ZNF385D: variants seen among roughly 807,000 people sequenced by gnomAD.
ZNF385D encodes the protein zinc finger protein 659.
A neutral mutation model predicts 35.8 loss-of-function variants in ZNF385D; 15 were observed. The ratio of observed to expected loss-of-function variants is 0.42; its 90% CI spans 0.28 to 0.64. The LOEUF (loss-of-function observed/expected upper bound fraction) is 0.64, where lower values mean the gene tolerates loss of function less well. Ranked by LOEUF, ZNF385D falls within the 30% of genes least tolerant of loss-of-function variation. The pLI is 0.23. For missense variants in ZNF385D, 474 were observed against 494.6 expected (o/e 0.96, Z 0.39); for synonymous variants, 212 against 186.8 (o/e 1.13, Z -1.10).
intron 3 of ZNF385D, among the ~76,000 whole-genome samples, chr3:21,833,420 G>C (rs922954734): frequency 2.6e-5 from 4 of 152,154 alleles, no homozygotes; most frequent in Middle Eastern, 3.2e-3. Context: ...TTGTAAGAGA[G>C]GTGGGAAGGC....
At chr3:21,976,767 C>A (rs571757904) in intron 3 of ZNF385D, among the ~76,000 whole-genome samples, 6 of 152,130 alleles carry the variant, frequency 3.9e-5, no homozygotes, top group Non-Finnish European at 5.9e-5. Context: ...CCAAGGCATG[C>A]AGATCATGAG....
intron 2 of ZNF385D, among the ~76,000 whole-genome samples, chr3:22,236,310 G>T (rs746016128): frequency 6.6e-6 from 1 of 151,830 alleles, no homozygotes. Context: ...ATTATCACTG[G>T]AAAGTTGACT....
chr3:21,593,335 C>T (rs188048285), intron 2 of ZNF385D, among the ~76,000 whole-genome samples: 2 of 152,290 alleles, frequency 1.3e-5, no homozygotes, highest in East Asian at 3.9e-4. Flanking sequence ...TCCATTGCCT[C>T]ACTTCCTAGA....
intron 1 of ZNF385D, among the ~76,000 whole-genome samples, chr3:21,732,665 G>A (rs2069074266): frequency 6.6e-6 from 1 of 152,128 alleles, no homozygotes; most frequent in African/African-American, 2.4e-5. Context: ...CTTTTCATAT[G>A]CCTATTTTCT....
chr3:21,827,388 T>C (rs1694708636), intron 3 of ZNF385D, among the ~76,000 whole-genome samples: 1 of 152,152 alleles, frequency 6.6e-6, no homozygotes. Flanking sequence ...GTTAAATAGA[T>C]TATTTTAAGC....
rs539916810 is a variant in ZNF385D at position 21,601,206 on chromosome 3, A to C, written c.166-36522T>G. Among the ~76,000 whole-genome samples, 7 of 152,206 alleles carry C rather than the reference A, an allele frequency of 4.6e-5. 1 individual carries two copies. In the South Asian group the frequency reaches 1.2e-3, roughly 27 times the overall value. Reference sequence around the variant, plus strand: ...ATATACTCCACTTGATGGGGCACCAAATTATTTAGAAAGTCATACCTGTGA... The same window carrying C: ...ATATACTCCACTTGATGGGGCACCACATTATTTAGAAAGTCATACCTGTGA... On this transcript the variant is annotated intron_variant, in intron 2 of 7. Coordinates refer to ENST00000281523, the MANE Select transcript of ZNF385D (RefSeq NM_024697.3).
At chr3:21,834,394 T>C (rs963120163) in intron 3 of ZNF385D, among the ~76,000 whole-genome samples, 3 of 152,132 alleles carry the variant, frequency 2.0e-5, no homozygotes, top group African/African-American at 4.8e-5. Flanking sequence ...TCTTAGAAAG[T>C]TCTGTTTTGC....
chr3:21,764,434 T>C (rs1341745424), intron 3 of ZNF385D, among the ~76,000 whole-genome samples: 1 of 152,166 alleles, frequency 6.6e-6, no homozygotes, highest in Non-Finnish European at 1.5e-5. Context: ...AATAAAGCTC[T>C]CGTATAACCA....
At chr3:22,347,814 A>C (rs1695726614) in intron 2 of ZNF385D, among the ~76,000 whole-genome samples, 1 of 152,170 alleles carries the variant, frequency 6.6e-6, no homozygotes, top group African/African-American at 2.4e-5. Context: ...CTCCAAAAAA[A>C]ACCTTCAATT....
At chr3:22,228,297 G>A (rs751936124) in intron 2 of ZNF385D, among the ~76,000 whole-genome samples, 12 of 152,130 alleles carry the variant, frequency 7.9e-5, no homozygotes, top group Non-Finnish European at 1.6e-4. Context: ...ATATGGCAGT[G>A]GCCATAGCAC....
At chr3:22,209,195 G>T (rs772151469) in intron 2 of ZNF385D, among the ~76,000 whole-genome samples, 2 of 151,946 alleles carry the variant, frequency 1.3e-5, no homozygotes, top group South Asian at 4.2e-4. Context: ...GTTACAAAAA[G>T]AGAGCAGATA....
At chr3:22,092,270 G>C (rs1279640491) in intron 3 of ZNF385D, among the ~76,000 whole-genome samples, 4 of 152,110 alleles carry the variant, frequency 2.6e-5, no homozygotes. Context: ...CTACTAAGGG[G>C]GAAATTGAAG....
At chr3:22,172,018 A>T (rs1054412715) in intron 2 of ZNF385D, among the ~76,000 whole-genome samples, 5 of 152,220 alleles carry the variant, frequency 3.3e-5, no homozygotes, top group African/African-American at 1.2e-4. Flanking sequence ...TTAAATTTTT[A>T]AATGGAAATT....
intron 3 of ZNF385D, among the ~76,000 whole-genome samples, chr3:22,021,002 C>T (rs1697192354): frequency 6.6e-6 from 1 of 151,810 alleles, no homozygotes; most frequent in South Asian, 2.1e-4. Flanking sequence ...AGGCCATTAT[C>T]TTAGGTGAAA....
intron 2 of ZNF385D, among the ~76,000 whole-genome samples, chr3:22,305,691 C>T (rs539591094): frequency 6.6e-6 from 1 of 152,272 alleles, no homozygotes; most frequent in South Asian, 2.1e-4. Context: ...CTAAGCAAGT[C>T]ACACGGCCAC....
chr3:22,134,409 A>T (rs1559395894), intron 3 of ZNF385D: 1 of 152,272 alleles, frequency 6.6e-6, no homozygotes, highest in East Asian at 1.9e-4. Context: ...AAAAAAAATT[A>T]TTAGGGACTT....
intron 2 of ZNF385D, among the ~76,000 whole-genome samples, chr3:22,176,852 T>A (rs1694862960): frequency 6.6e-6 from 1 of 152,128 alleles, no homozygotes; most frequent in Non-Finnish European, 1.5e-5. Flanking sequence ...AACAACAACA[T>A]TTTGTTAAAA....
intron 3 of ZNF385D, among the ~76,000 whole-genome samples, chr3:21,969,710 G>A (rs1237493262): frequency 3.3e-5 from 5 of 151,824 alleles, no homozygotes; most frequent in African/African-American, 4.9e-5. Context: ...AGTGAACACG[G>A]GCAGTAGCCA....
chr3:22,059,299 G>A (rs1699572623), intron 3 of ZNF385D, among the ~76,000 whole-genome samples: 2 of 152,194 alleles, frequency 1.3e-5, no homozygotes, highest in Non-Finnish European at 2.9e-5. Context: ...CAGGGACTGT[G>A]TGTGCATGAA....
Sources: gnomAD v4.1 joint callset for allele counts (sites outside exome capture counted in the v4.1 genomes callset) on GRCh38, gnomAD v4.1.1 for gene constraint, MANE v1.5 for transcripts, NCBI Gene and HGNC (gene_info 2026-07-23, HGNC 2026-07-21) for gene names.